Variants in PRKD1 observed in about 807,000 individuals in gnomAD.
The protein encoded by PRKD1 is serine/threonine-protein kinase D1.
Under a neutral mutation model 95.9 loss-of-function variants are expected in PRKD1, and 63 were observed. The ratio of observed to expected loss-of-function variants is 0.66; its 90% CI spans 0.54 to 0.81. The LOEUF (loss-of-function observed/expected upper bound fraction) is 0.81. Among genes scored for constraint, PRKD1 ranks in the 30% least tolerant of loss-of-function variants. The pLI is 0.00. For synonymous variants in PRKD1, 425 were observed against 423.1 expected, an observed-to-expected ratio of 1.00 and a Z score of -0.05; for missense variants, 1,048 against 1,165.3, an observed-to-expected ratio of 0.90 and a Z score of 1.47.
chr14:29,684,798 C>G lies in PRKD1; in HGVS notation c.404-18590G>C, dbSNP rs45439798. ...CCTCAGTAAAAGTTCTGAAAATATA[C>G]TTGGCTTCTCCTGCAGTTATCACAT... On this transcript the variant is annotated intron_variant, in intron 2 of 17. Transcript: ENST00000331968. Among the ~76,000 whole-genome samples, 5 of 152,250 alleles carry G rather than the reference C, an allele frequency of 3.3e-5. No individual in the cohort carries two copies. In the East Asian group the frequency reaches 9.6e-4, roughly 29 times the overall value.
At chr14:29,817,517 C>T (rs1310725496) in intron 1 of PRKD1, among the ~76,000 whole-genome samples, 1 of 151,982 alleles carries the variant, frequency 6.6e-6, no homozygotes, top group African/African-American at 2.4e-5. Context: ...AAATACATAC[C>T]ATTTGCTATA....
At chr14:29,758,046 G>A (rs550132904) in intron 1 of PRKD1, among the ~76,000 whole-genome samples, 2 of 152,166 alleles carry the variant, frequency 1.3e-5, no homozygotes, top group South Asian at 2.1e-4. Context: ...AATGCAGGAC[G>A]CAAGATTTGT....
At chr14:29,870,148 A>G (rs1471736174) in intron 1 of PRKD1, among the ~76,000 whole-genome samples, 1 of 152,194 alleles carries the variant, frequency 6.6e-6, no homozygotes, top group East Asian at 1.9e-4. Context: ...TGCCCAGATT[A>G]TATTTCACTG....
chr14:29,634,545 G>C lies in PRKD1; in HGVS notation c.1191-4C>G, dbSNP rs774613855. 1 of 1,613,868 alleles carries C rather than the reference G, an allele frequency of 6.2e-7. No homozygotes were observed. Among genetic ancestry groups the C allele is most frequent in the Admixed American group, 1.7e-5 (1 of 60,014 alleles). ...GATATTGTTGCTTGTTGATGGACTT[G>C]AGAAGTCAAAATATTGTAGGGAAAA... On this transcript the variant is annotated splice_region_variant and splice_polypyrimidine_tract_variant and intron_variant, in intron 7 of 17. Transcript: ENST00000331968.
chr14:29,716,764 C>T (rs1361342840), intron 2 of PRKD1, among the ~76,000 whole-genome samples: 2 of 152,140 alleles, frequency 1.3e-5, no homozygotes, highest in Non-Finnish European at 2.9e-5. Context: ...AACTGATTCA[C>T]TGAAGAGTGA....
At position 29,875,361 on chromosome 14, in the gene PRKD1, G is replaced by T. The variant is rs192992604; in HGVS notation, c.264+51888C>A. Reference sequence around the variant, plus strand: ...TAATAAAAAAGAAGTAAATTAAATTGTGCCTATGATGCAACTAACAAGTGA... The same window carrying T: ...TAATAAAAAAGAAGTAAATTAAATTTTGCCTATGATGCAACTAACAAGTGA... On this transcript the variant is annotated intron_variant, in intron 1 of 17. Coordinates refer to ENST00000331968, the MANE Select transcript of PRKD1 (RefSeq NM_002742.3). Among the ~76,000 whole-genome samples the T allele has an allele frequency of 2.4e-3, 360 of 152,258 alleles. 1 individual carries two copies. Among genetic ancestry groups the T allele is most frequent in the Middle Eastern group, 0.01 (3 of 294 alleles).
intron 4 of PRKD1, 107 bp downstream of exon 4, chr14:29,663,592 C>CT (rs1882310962): frequency 1.6e-6 from 2 of 1,277,352 alleles, no homozygotes; most frequent in Middle Eastern, 2.1e-4. Flanking sequence ...CATTAACACC[C>CT]TGGCTGCATT....
chr14:29,703,682 TAG>T (rs1884947448), intron 2 of PRKD1, among the ~76,000 whole-genome samples: 1 of 152,160 alleles, frequency 6.6e-6, no homozygotes, highest in Admixed American at 6.6e-5. Context: ...CACCTCATGT[TAG>T]AGTCTATGTA....
At chr14:29,844,110 TAAAC>T (rs1263200885) in intron 1 of PRKD1, among the ~76,000 whole-genome samples, 1 of 152,184 alleles carries the variant, frequency 6.6e-6, no homozygotes, top group Non-Finnish European at 1.5e-5. Context: ...TATTTGGCAG[TAAAC>T]AAACCTGGCT....
chr14:29,658,296 A>T (rs956877611), intron 4 of PRKD1, among the ~76,000 whole-genome samples: 4 of 152,106 alleles, frequency 2.6e-5, no homozygotes, highest in African/African-American at 4.8e-5. Context: ...TTGTTTCCCA[A>T]AGTGCATGTA....
Position 29,577,083 on chromosome 14 carries a change from G to A in PRKD1, c.*155C>T, listed in dbSNP as rs1457179558. 2 of 775,580 alleles carry A rather than the reference G, an allele frequency of 2.6e-6. No individual in the cohort carries two copies. Among genetic ancestry groups the A allele is most frequent in the Non-Finnish European group, 4.1e-6 (2 of 489,114 alleles). 48.0% of individuals were successfully genotyped at this position (775,580 alleles called of 1,614,324 possible). On this transcript the variant is annotated 3_prime_UTR_variant, in exon 18 of 18. Transcript: ENST00000331968. ...AAAATACAAATGCTTCTGTTGATTTGTCTTGGCAACTCAGATACATCAACA... is the reference window on the plus strand; with the variant it reads ...AAAATACAAATGCTTCTGTTGATTTATCTTGGCAACTCAGATACATCAACA...
chr14:29,867,931 C>T (rs1259433345), intron 1 of PRKD1, among the ~76,000 whole-genome samples: 1 of 152,120 alleles, frequency 6.6e-6, no homozygotes, highest in Admixed American at 6.6e-5. Context: ...TAGTCATAGA[C>T]CCTGAATATT....
intron 1 of PRKD1, among the ~76,000 whole-genome samples, chr14:29,857,430 A>T (rs923141275): frequency 6.6e-6 from 1 of 152,218 alleles, no homozygotes; most frequent in Non-Finnish European, 1.5e-5. Context: ...TGCACACCTT[A>T]CCTGGGCAGG....
intron 1 of PRKD1, among the ~76,000 whole-genome samples, chr14:29,867,462 G>A (rs908463198): frequency 6.6e-6 from 1 of 152,204 alleles, no homozygotes; most frequent in African/African-American, 2.4e-5. Flanking sequence ...GGCCTCATCT[G>A]TGCACAGAAA....
At chr14:29,842,122 T>A (rs1891877006) in intron 1 of PRKD1, among the ~76,000 whole-genome samples, 2 of 152,192 alleles carry the variant, frequency 1.3e-5, no homozygotes, top group South Asian at 4.1e-4. Flanking sequence ...GGAGATGTCA[T>A]CTTCTATGAT....
chr14:29,612,825 A>G (rs532256729), intron 13 of PRKD1, among the ~76,000 whole-genome samples: 42 of 152,304 alleles, frequency 2.8e-4, no homozygotes, highest in African/African-American at 9.4e-4. Flanking sequence ...TAGGGCGGGC[A>G]CGGTGGCTCA....
At chr14:29,795,251 A>AT in intron 1 of PRKD1, among the ~76,000 whole-genome samples, 1 of 151,940 alleles carries the variant, frequency 6.6e-6, no homozygotes, top group South Asian at 2.1e-4. Flanking sequence ...TCTAAGCCCC[A>AT]TTGCTTTTGT....
intron 1 of PRKD1, among the ~76,000 whole-genome samples, chr14:29,837,469 T>TA (rs1312573505): frequency 6.6e-6 from 1 of 152,142 alleles, no homozygotes; most frequent in Admixed American, 6.5e-5. Flanking sequence ...TATTTAACAC[T>TA]ATAAAAGTAA....
At chr14:29,802,305 T>C (rs1189151680) in intron 1 of PRKD1, among the ~76,000 whole-genome samples, 1 of 152,068 alleles carries the variant, frequency 6.6e-6, no homozygotes, top group Non-Finnish European at 1.5e-5. Flanking sequence ...TACAAATAGA[T>C]TAAGAAAGGA....
Sources: gnomAD v4.1 joint callset for allele counts (sites outside exome capture counted in the v4.1 genomes callset) on GRCh38, gnomAD v4.1.1 for gene constraint, MANE v1.5 for transcripts, NCBI Gene and HGNC (gene_info 2026-07-23, HGNC 2026-07-21) for gene names.